Variants in LRRC4C observed in about 807,000 individuals in gnomAD.
The protein encoded by LRRC4C is leucine-rich repeat-containing protein 4C.
LRRC4C carries 5 observed loss-of-function variants against 33.6 expected under a neutral mutation model. The observed-to-expected ratio is 0.15, with a 90% CI of 0.08 to 0.31. The LOEUF is 0.31. Ranked by LOEUF, LRRC4C falls within the 10% of genes least tolerant of loss-of-function variation. The probability of loss-of-function intolerance (pLI) is 1.00; values close to 1 mark genes in which losing one functional copy is unlikely to be tolerated. For missense variants in LRRC4C, 560 were observed against 796.7 expected (o/e 0.70, Z 3.58); for synonymous variants, 329 against 302.0 (o/e 1.09, Z -0.93).
At chr11:40,745,163 A>T (rs1252434784) in intron 2 of LRRC4C, among the ~76,000 whole-genome samples, 1 of 152,162 alleles carries the variant, frequency 6.6e-6, no homozygotes, top group Admixed American at 6.5e-5. Flanking sequence ...CGCAGAAAGC[A>T]TTATCATGCT....
intron 3 of LRRC4C, among the ~76,000 whole-genome samples, chr11:40,579,850 G>C (rs1958388281): frequency 6.6e-6 from 1 of 152,100 alleles, no homozygotes; most frequent in Non-Finnish European, 1.5e-5. Context: ...GAGTGCAGTG[G>C]CGCGATCTTC....
intron 1 of LRRC4C, among the ~76,000 whole-genome samples, chr11:41,257,677 C>T (rs968011852): frequency 6.6e-5 from 10 of 152,056 alleles, no homozygotes; most frequent in Admixed American, 1.3e-4. Flanking sequence ...GGCAAAGGAG[C>T]TGGAAGGTGA....
chr11:41,188,777 G>C (rs1945811612), intron 1 of LRRC4C, among the ~76,000 whole-genome samples: 1 of 150,306 alleles, frequency 6.7e-6, no homozygotes, highest in Non-Finnish European at 1.5e-5. Context: ...AAATGTATTA[G>C]CTGTTTGGTT....
intron 1 of LRRC4C, among the ~76,000 whole-genome samples, chr11:41,295,599 ATT>A (rs55977602): frequency 3.4e-5 from 5 of 146,438 alleles, no homozygotes; most frequent in Admixed American, 6.8e-5. Context: ...GGCAACAAAC[ATT>A]TTTTTTTTTT....
chr11:40,725,620 A>G (rs1947254619), intron 2 of LRRC4C, among the ~76,000 whole-genome samples: 2 of 152,182 alleles, frequency 1.3e-5, no homozygotes, highest in Non-Finnish European at 2.9e-5. Flanking sequence ...TAATCTCATT[A>G]TAATACTAAA....
At chr11:40,484,658 A>G (rs1286990564) in intron 3 of LRRC4C, among the ~76,000 whole-genome samples, 1 of 152,136 alleles carries the variant, frequency 6.6e-6, no homozygotes, top group Admixed American at 6.6e-5. Flanking sequence ...GCTTTAAAAA[A>G]TTAAATCAAA....
chr11:40,257,885 C>T (rs1301550951), intron 4 of LRRC4C, among the ~76,000 whole-genome samples: 1 of 152,112 alleles, frequency 6.6e-6, no homozygotes, highest in African/African-American at 2.4e-5. Flanking sequence ...TTTCCCTGAA[C>T]TTCTTGTTCT....
At chr11:40,294,642 C>T (rs1179437310) in intron 4 of LRRC4C, among the ~76,000 whole-genome samples, 2 of 151,992 alleles carry the variant, frequency 1.3e-5, no homozygotes, top group African/African-American at 2.4e-5. Flanking sequence ...ACCTGCCCAA[C>T]ATTGTGAAAC....
chr11:40,903,918 T>C (rs1332825647), intron 2 of LRRC4C, among the ~76,000 whole-genome samples: 2 of 151,942 alleles, frequency 1.3e-5, no homozygotes, highest in East Asian at 1.9e-4. Flanking sequence ...TATATATATA[T>C]ACCTAAAATG....
At chr11:40,620,778 T>C (rs914714355) in intron 3 of LRRC4C, among the ~76,000 whole-genome samples, 5 of 151,852 alleles carry the variant, frequency 3.3e-5, no homozygotes, top group African/African-American at 1.2e-4. Flanking sequence ...TTGCAGTCAC[T>C]AATGTTTGCA....
At chr11:40,236,732 C>T (rs1382888672) in intron 5 of LRRC4C, among the ~76,000 whole-genome samples, 1 of 152,142 alleles carries the variant, frequency 6.6e-6, no homozygotes, top group East Asian at 1.9e-4. Flanking sequence ...AGCCCCTTGA[C>T]ACAGGACTTG....
chr11:40,373,773 C>G (rs1006290983), intron 3 of LRRC4C, among the ~76,000 whole-genome samples: 18 of 152,148 alleles, frequency 1.2e-4, no homozygotes, highest in African/African-American at 4.3e-4. Context: ...TCCTGTTGCT[C>G]TTACTTCCTC....
intron 3 of LRRC4C, among the ~76,000 whole-genome samples, chr11:40,603,144 C>T (rs1960201431): frequency 2.0e-5 from 3 of 152,236 alleles, no homozygotes; most frequent in Non-Finnish European, 4.4e-5. Flanking sequence ...GACAATTACT[C>T]ACAATGCAGA....
chr11:40,941,219 T>C (rs1452054362), intron 1 of LRRC4C, among the ~76,000 whole-genome samples: 2 of 152,100 alleles, frequency 1.3e-5, no homozygotes, highest in Admixed American at 6.6e-5. Context: ...TCATGATAAT[T>C]TTATTACTAT....
At chr11:40,963,327 G>A (rs1851099772) in intron 1 of LRRC4C, among the ~76,000 whole-genome samples, 1 of 151,750 alleles carries the variant, frequency 6.6e-6, no homozygotes, top group African/African-American at 2.4e-5. Flanking sequence ...GTTCCAGACT[G>A]AGTATGTACT....
chr11:40,215,055 G>A (rs1449708627), intron 5 of LRRC4C, among the ~76,000 whole-genome samples: 1 of 152,026 alleles, frequency 6.6e-6, no homozygotes, highest in African/African-American at 2.4e-5. Flanking sequence ...ATCTGCCACT[G>A]GGTGCCAAAT....
chr11:40,840,432 A>C (rs1177036409), intron 2 of LRRC4C, among the ~76,000 whole-genome samples: 2 of 152,176 alleles, frequency 1.3e-5, no homozygotes, highest in Non-Finnish European at 2.9e-5. Flanking sequence ...GCTCCTGCAA[A>C]TCTGCATTAA....
At chr11:41,392,491 G>A (rs1191087667) in intron 1 of LRRC4C, among the ~76,000 whole-genome samples, 3 of 151,236 alleles carry the variant, frequency 2.0e-5, no homozygotes, top group South Asian at 2.1e-4. Context: ...GGTACTTACC[G>A]AATTTAGGAT....
At chr11:40,843,648 G>A (rs1338122240) in intron 2 of LRRC4C, among the ~76,000 whole-genome samples, 1 of 152,056 alleles carries the variant, frequency 6.6e-6, no homozygotes, top group African/African-American at 2.4e-5. Flanking sequence ...AGGATACAAA[G>A]CAACTATGTT....
Sources: allele counts gnomAD v4.1 joint callset (sites outside exome capture counted in the v4.1 genomes callset), GRCh38; gene constraint gnomAD v4.1.1; transcripts MANE v1.5; gene names NCBI Gene and HGNC (gene_info 2026-07-23, HGNC 2026-07-21).